The following PTPRO variants were observed in gnomAD, a reference collection of about 807,000 sequenced individuals.
PTPRO encodes protein tyrosine phosphatase receptor type O, also known as receptor-type tyrosine-protein phosphatase O.
A neutral mutation model predicts 145.2 loss-of-function variants in PTPRO; 62 were observed. That is an observed-to-expected ratio of 0.43 (90% CI 0.35 to 0.53). The LOEUF is 0.53. PTPRO is among the 20% of genes least tolerant of loss of function. PTPRO has a pLI of 0.01. For synonymous variants in PTPRO, 565 were observed against 514.7 expected, an observed-to-expected ratio of 1.10 and a Z score of -1.32; for missense variants, 1,345 against 1,482.7, an observed-to-expected ratio of 0.91 and a Z score of 1.53.
intron 1 of PTPRO, among the ~76,000 whole-genome samples, chr12:15,474,414 A>C (rs1941610013): frequency 6.6e-6 from 1 of 152,178 alleles, no homozygotes; most frequent in Non-Finnish European, 1.5e-5. Context: ...CCAAGTGCCC[A>C]GACCCCTTTT....
At chr12:15,499,667 C>T in intron 4 of PTPRO, 73 bp downstream of exon 4, 1 of 1,481,936 alleles carries the variant, frequency 6.7e-7, no homozygotes, top group Non-Finnish European at 9.4e-7. Flanking sequence ...TATTTTTTAT[C>T]CTAAGAAATA....
intron 1 of PTPRO, among the ~76,000 whole-genome samples, chr12:15,377,963 A>G (rs996311397): frequency 1.3e-5 from 2 of 152,122 alleles, no homozygotes; most frequent in African/African-American, 2.4e-5. Flanking sequence ...TGAGAATGTA[A>G]CATACTAAAA....
chr12:15,560,998 T>C (rs1489853139), intron 17 of PTPRO, among the ~76,000 whole-genome samples: 5 of 152,104 alleles, frequency 3.3e-5, no homozygotes, highest in African/African-American at 1.2e-4. Flanking sequence ...AGTGTTCCTT[T>C]TGACTTTTTA....
intron 12 of PTPRO, among the ~76,000 whole-genome samples, chr12:15,545,074 C>T (rs191583806): frequency 1.3e-5 from 2 of 152,170 alleles, no homozygotes; most frequent in Non-Finnish European, 2.9e-5. Flanking sequence ...CTTCTTGGTC[C>T]TGGGCAGAGT....
At chr12:15,513,156 A>G (rs1178158013) in intron 7 of PTPRO, among the ~76,000 whole-genome samples, 2 of 19,066 alleles carry the variant, frequency 1.0e-4, no homozygotes, top group African/African-American at 4.6e-4. Flanking sequence ...AGAAAGAAAG[A>G]AAAAGAAAGA....
At chr12:15,331,956 T>C (rs1866620930) in intron 1 of PTPRO, among the ~76,000 whole-genome samples, 1 of 144,946 alleles carries the variant, frequency 6.9e-6, no homozygotes, top group South Asian at 2.2e-4. Context: ...TTGTTTCTCT[T>C]TCTTTCTTTT....
intron 2 of PTPRO, among the ~76,000 whole-genome samples, chr12:15,490,193 C>T (rs1941971372): frequency 6.6e-6 from 1 of 152,212 alleles, no homozygotes. Context: ...AATTATCAAG[C>T]AAGTATTTGG....
chr12:15,442,546 T>C (rs1423998237), intron 1 of PTPRO, among the ~76,000 whole-genome samples: 1 of 151,938 alleles, frequency 6.6e-6, no homozygotes, highest in African/African-American at 2.4e-5. Flanking sequence ...GGAAAAGAAG[T>C]CAAACTATCT....
intron 1 of PTPRO, among the ~76,000 whole-genome samples, chr12:15,464,190 T>C (rs753461893): frequency 5.9e-5 from 9 of 151,766 alleles, no homozygotes; most frequent in Non-Finnish European, 1.0e-4. Flanking sequence ...GAGGAGGAAA[T>C]AGAAATAAAG....
rs768462081 is a variant in PTPRO at position 15,516,883 on chromosome 12, A to G, written c.1706A>G (p.Asn569Ser). 2 of 1,612,516 alleles carry G rather than the reference A, an allele frequency of 1.2e-6. No homozygotes were observed. The highest frequency in any genetic ancestry group is 1.7e-6 in the Non-Finnish European group (2 of 1,179,468). Residue 569 changes from asparagine to serine, a missense_variant, in exon 9 of 27, where the codon AAC (asparagine) becomes AGC (serine). Coordinates refer to ENST00000281171, the MANE Select transcript of PTPRO (RefSeq NM_030667.3). ...RKYVVEMFYF[N>S]PATMTSEWTT... ...TACGTGGTTGAAATGTTTTATTTCAACCCTGCTACAATGACATCAGAGTGG... is the reference window on the plus strand; with the variant it reads ...TACGTGGTTGAAATGTTTTATTTCAGCCCTGCTACAATGACATCAGAGTGG...
intron 1 of PTPRO, among the ~76,000 whole-genome samples, chr12:15,414,837 T>C (rs1939901425): frequency 6.6e-6 from 1 of 152,206 alleles, no homozygotes; most frequent in Non-Finnish European, 1.5e-5. Context: ...GAAACGGGAA[T>C]TTAATCACCT....
intron 3 of PTPRO, among the ~76,000 whole-genome samples, chr12:15,499,090 A>T (rs1156521168): frequency 1.3e-5 from 2 of 152,130 alleles, no homozygotes; most frequent in African/African-American, 4.8e-5. Context: ...AAGGTGGCAA[A>T]ATACCTTGGA....
intron 2 of PTPRO, among the ~76,000 whole-genome samples, chr12:15,489,622 A>T (rs574100972): frequency 5.9e-5 from 9 of 152,280 alleles, no homozygotes; most frequent in African/African-American, 2.2e-4. Flanking sequence ...GGACAACCAG[A>T]GGTCAGTCTC....
chr12:15,552,342 C>G (rs1484835581), intron 15 of PTPRO, among the ~76,000 whole-genome samples: 1 of 152,180 alleles, frequency 6.6e-6, no homozygotes. Flanking sequence ...AAAACTGTTG[C>G]TTATTTGAAT....
intron 1 of PTPRO, among the ~76,000 whole-genome samples, chr12:15,448,090 A>G (rs1009956262): frequency 6.6e-6 from 1 of 152,078 alleles, no homozygotes; most frequent in African/African-American, 2.4e-5. Context: ...GCAATGTGAT[A>G]GCAATATAGA....
At chr12:15,393,779 A>G (rs1263582846) in intron 1 of PTPRO, among the ~76,000 whole-genome samples, 1 of 152,178 alleles carries the variant, frequency 6.6e-6, no homozygotes, top group Non-Finnish European at 1.5e-5. Context: ...TTCTGTTGCT[A>G]TGACTGAATA....
chr12:15,563,827 A>C (rs1163493245), intron 17 of PTPRO, among the ~76,000 whole-genome samples: 1 of 151,868 alleles, frequency 6.6e-6, no homozygotes, highest in African/African-American at 2.4e-5. Context: ...TTTTTTGTTC[A>C]CTCCTGATCA....
At chr12:15,592,407 C>T (rs964758004) in intron 25 of PTPRO, among the ~76,000 whole-genome samples, 3 of 152,144 alleles carry the variant, frequency 2.0e-5, no homozygotes, top group Non-Finnish European at 4.4e-5. Flanking sequence ...ATATTTCCTC[C>T]CATCACTGGT....
intron 1 of PTPRO, among the ~76,000 whole-genome samples, chr12:15,334,973 C>G (rs1211148617): frequency 5.9e-5 from 9 of 152,078 alleles, no homozygotes; most frequent in Non-Finnish European, 1.0e-4. Context: ...CTAATTGTCA[C>G]ACATCATCCT....
Sources: gnomAD v4.1 joint callset for allele counts (sites outside exome capture counted in the v4.1 genomes callset) on GRCh38, gnomAD v4.1.1 for gene constraint, MANE v1.5 for transcripts, NCBI Gene and HGNC (gene_info 2026-07-23, HGNC 2026-07-21) for gene names.